The following ADGRV1 variants were observed in gnomAD, a reference collection of about 807,000 sequenced individuals.
ADGRV1 encodes adhesion G protein-coupled receptor V1, also known as G-protein coupled receptor 98.
In ADGRV1, 359 loss-of-function variants were observed where a neutral mutation model predicts 596.2. The ratio of observed to expected loss-of-function variants is 0.60; its 90% CI spans 0.55 to 0.66. ADGRV1 has a LOEUF of 0.66. ADGRV1 is among the 30% of genes least tolerant of loss of function. The pLI, the probability that ADGRV1 is intolerant of heterozygous loss-of-function variation, is 0.00. For synonymous variants in ADGRV1, 2,681 were observed against 2,679.2 expected (o/e 1.00, Z -0.02); for missense variants, 7,274 against 7,575.6 (o/e 0.96, Z 1.48).
chr5:90,879,449 G>T (rs938606277), intron 83 of ADGRV1, among the ~76,000 whole-genome samples: 2 of 152,008 alleles, frequency 1.3e-5, no homozygotes, highest in Non-Finnish European at 2.9e-5. Flanking sequence ...CAGTTATTTT[G>T]TTTAGGTTTA....
chr5:90,906,628 CTTAG>C (rs1273287324), intron 83 of ADGRV1, among the ~76,000 whole-genome samples: 8 of 151,918 alleles, frequency 5.3e-5, no homozygotes, highest in East Asian at 1.9e-4. Flanking sequence ...TCTCTTTTTT[CTTAG>C]TTAGTCTGGC....
At chr5:90,697,868 T>A (rs1747401538) in intron 34 of ADGRV1, among the ~76,000 whole-genome samples, 1 of 152,136 alleles carries the variant, frequency 6.6e-6, no homozygotes, top group South Asian at 2.1e-4. Flanking sequence ...AAAAAAATAA[T>A]TTTACCTTGA....
intron 50 of ADGRV1, among the ~76,000 whole-genome samples, chr5:90,731,350 C>T (rs868532165): frequency 2.0e-5 from 3 of 152,270 alleles, no homozygotes; most frequent in African/African-American, 7.2e-5. Context: ...GGAAATCCGC[C>T]TCTATGATCC....
intron 1 of ADGRV1, among the ~76,000 whole-genome samples, chr5:90,581,711 T>G (rs892286440): frequency 1.3e-5 from 2 of 152,204 alleles, no homozygotes; most frequent in African/African-American, 4.8e-5. Flanking sequence ...TGGCACCCAC[T>G]TAAGGAGGCA....
intron 85 of ADGRV1, among the ~76,000 whole-genome samples, chr5:91,028,180 G>A (rs372783069): frequency 1.3e-5 from 2 of 151,888 alleles, no homozygotes; most frequent in South Asian, 2.1e-4. Flanking sequence ...CTTTGGGGTC[G>A]TCTGAGTCAT....
intron 84 of ADGRV1, among the ~76,000 whole-genome samples, chr5:90,976,537 A>G (rs1779631145): frequency 6.6e-6 from 1 of 151,886 alleles, no homozygotes; most frequent in African/African-American, 2.4e-5. Context: ...CACTCTGAAT[A>G]TTTGTTTACT....
intron 21 of ADGRV1, among the ~76,000 whole-genome samples, chr5:90,666,901 T>C (rs1248319931): frequency 6.6e-6 from 1 of 151,592 alleles, no homozygotes; most frequent in Non-Finnish European, 1.5e-5. Flanking sequence ...AAATTCTGGG[T>C]TGAAAATTCT....
At chr5:91,037,714 G>A (rs1007229443) in intron 85 of ADGRV1, among the ~76,000 whole-genome samples, 1 of 152,192 alleles carries the variant, frequency 6.6e-6, no homozygotes, top group Admixed American at 6.5e-5. Flanking sequence ...CGAGGGACTT[G>A]ATCTAGTTTA....
chr5:90,597,457 T>G (rs180882908), intron 1 of ADGRV1, among the ~76,000 whole-genome samples: 1 of 152,240 alleles, frequency 6.6e-6, no homozygotes, highest in Non-Finnish European at 1.5e-5. Context: ...ACAGAATTCT[T>G]TCATCTGATC....
rs751185276 is a variant in ADGRV1, at chr5:90,778,889, A to G, written c.12874A>G (p.Ser4292Gly). Reference sequence around the variant, plus strand: ...GGTTAACATCACAATCATCCGTTCCAGTGGAGATTTTGGCCATGTGCGACT... The same window carrying G: ...GGTTAACATCACAATCATCCGTTCCGGTGGAGATTTTGGCCATGTGCGACT... ...QRVNITIIRS[S>G]GDFGHVRLWY... is the part of the protein sequence containing the mutation. The change falls in exon 64 of 90, where the codon AGT becomes GGT. Residue 4292 changes from serine (S) to glycine (G), a missense_variant. Coordinates refer to ENST00000405460, the MANE Select transcript of ADGRV1 (RefSeq NM_032119.4). 2.7e-5 allele frequency: 44 copies of G among 1,612,884 alleles called. No individual in the cohort carries two copies. Among genetic ancestry groups the G allele is most frequent in the Non-Finnish European group, 3.6e-5 (42 of 1,179,178 alleles).
chr5:91,122,513 T>C (rs900639726), intron 87 of ADGRV1, among the ~76,000 whole-genome samples: 2 of 152,228 alleles, frequency 1.3e-5, no homozygotes, highest in African/African-American at 4.8e-5. Context: ...CACTCTCTGC[T>C]CTAGTCATAG....
intron 83 of ADGRV1, among the ~76,000 whole-genome samples, chr5:90,901,569 C>T (rs1468338050): frequency 1.3e-5 from 2 of 152,130 alleles, no homozygotes; most frequent in Non-Finnish European, 2.9e-5. Context: ...AATTCCTGTG[C>T]ATGTTAGCAA....
At chr5:90,602,594 C>G (rs144834538) in intron 1 of ADGRV1, among the ~76,000 whole-genome samples, 5 of 152,276 alleles carry the variant, frequency 3.3e-5, no homozygotes, top group Admixed American at 2.6e-4. Flanking sequence ...CCACATTCCT[C>G]AAAAGCGCCA....
rs374467239 is a variant in ADGRV1 at position 90,720,076 on chromosome 5, C to G, written c.9476C>G (p.Thr3159Arg). ...KALQISAILD[T>R]EPEMDEYFVC... The stretch of plus-strand genomic sequence containing the variant: ...CTACAAATATCTGCCATATTAGACA[C>G]GGAACCAGAAATGGATGAGTATTTT... The change falls in exon 44 of 90, where the codon ACG (threonine) becomes AGG (arginine). Residue 3159 changes from threonine to arginine, a missense_variant. Physicochemically the swap from Thr to Arg is moderately conservative, Grantham distance 71. Transcript: ENST00000405460. 6.2e-7 allele frequency: 1 copy of G among 1,613,476 alleles called. No homozygotes were observed.
In ADGRV1 at chr5:90,643,603, A is replaced by G. The variant is rs113060988; in HGVS notation, c.2554-200A>G. 1.3e-3 allele frequency among the ~76,000 whole-genome samples: 203 copies of G among 152,238 alleles called. No homozygotes were observed. In the Middle Eastern group the frequency reaches 0.024, roughly 18 times the overall value. On this transcript the variant is annotated intron_variant, in intron 13 of 89. Transcript: ENST00000405460. The stretch of plus-strand genomic sequence containing the variant: ...TGTTTCTCTTTTTCTCTTTTTGGAC[A>G]ATGTATACGTATTTCTGGTGTCTCT...
At chr5:91,097,405 A>G (rs1053057666) in intron 86 of ADGRV1, among the ~76,000 whole-genome samples, 4 of 152,240 alleles carry the variant, frequency 2.6e-5, no homozygotes, top group African/African-American at 9.6e-5. Context: ...GGGGGACACA[A>G]ACATTCAGAA....
In ADGRV1 at chr5:90,681,403, CTT is replaced by C. The variant is rs1246475585; in HGVS notation, c.5615_5616del (p.Phe1872CysfsTer5). 3 of 1,613,780 alleles carry C rather than the reference CTT, an allele frequency of 1.9e-6. No individual in the cohort carries two copies. Among genetic ancestry groups the C allele is most frequent in the Non-Finnish European group, 2.5e-6 (3 of 1,179,834 alleles). On this transcript the variant is annotated frameshift_variant, in exon 27 of 90. Coordinates refer to ENST00000405460, the MANE Select transcript of ADGRV1 (RefSeq NM_032119.4). LOFTEE classifies it high-confidence loss of function. The stretch of plus-strand genomic sequence containing the variant: ...TATTTGAATTTAGCCCTGAGTCACT[CTT>C]TGTCAGTGGAACTGAACCAGAAGAT... ...GVFEFSPESLFVSGTEPEDGY... is the reference protein window; with the variant it reads ...GVFEFSPESLXVSGTEPEDGY...
intron 87 of ADGRV1, among the ~76,000 whole-genome samples, chr5:91,146,478 C>T (rs997999173): frequency 2.0e-5 from 3 of 152,194 alleles, no homozygotes; most frequent in Admixed American, 6.5e-5. Flanking sequence ...AGAATGCATG[C>T]GTTAGCTTTA....
At chr5:90,948,483 G>A (rs1016514109) in intron 83 of ADGRV1, among the ~76,000 whole-genome samples, 1 of 152,110 alleles carries the variant, frequency 6.6e-6, no homozygotes, top group Non-Finnish European at 1.5e-5. Context: ...AGTGTTACCA[G>A]TAGGAATATC....
Sources: allele counts gnomAD v4.1 joint callset (sites outside exome capture counted in the v4.1 genomes callset), GRCh38; gene constraint gnomAD v4.1.1; transcripts MANE v1.5; gene names NCBI Gene and HGNC (gene_info 2026-07-23, HGNC 2026-07-21).